The following SLC30A7 variants were observed in gnomAD, a reference collection of about 807,000 sequenced individuals.
SLC30A7 encodes zinc transporter 7.
SLC30A7 carries 35 observed loss-of-function variants against 46.0 expected under a neutral mutation model. The observed-to-expected ratio is 0.76, with a 90% CI of 0.58 to 1.01. The LOEUF (loss-of-function observed/expected upper bound fraction) is 1.01, where lower values mean the gene tolerates loss of function less well. Among genes scored for constraint, SLC30A7 ranks in the 50% least tolerant of loss-of-function variants. The probability of loss-of-function intolerance (pLI) is 0.00; values close to 1 mark genes in which losing one functional copy is unlikely to be tolerated. For missense variants in SLC30A7, 464 were observed against 451.1 expected (o/e 1.03, Z -0.26); for synonymous variants, 147 against 157.8 (o/e 0.93, Z 0.51).
chr1:100,965,919 G>A lies in SLC30A7; in HGVS notation c.1083+1G>A. 1.2e-6 allele frequency: 2 copies of A among 1,602,324 alleles called. No homozygotes were observed. The highest frequency in any genetic ancestry group is 1.7e-6 in the Non-Finnish European group (2 of 1,176,774). ...CCAAACACATAATATTTTTACTCAG[G>A]TATGTCTTTTTTACTAACTTCTTTT... On this transcript the variant is annotated splice_donor_variant, in intron 10 of 10. Coordinates refer to ENST00000357650, the MANE Select transcript of SLC30A7 (RefSeq NM_133496.5). LOFTEE classifies it high-confidence loss of function.
chr1:100,911,253 G>A (rs1652074041), intron 4 of SLC30A7, 103 bp downstream of exon 4: 2 of 769,558 alleles, frequency 2.6e-6, no homozygotes, highest in South Asian at 3.8e-5. Context: ...ATTAAATATT[G>A]TGGACAATCT....
intron 10 of SLC30A7, among the ~76,000 whole-genome samples, chr1:100,972,088 C>A (rs1055674010): frequency 2.0e-5 from 3 of 152,120 alleles, no homozygotes; most frequent in Admixed American, 6.5e-5. Context: ...TTTTAAGGAC[C>A]TGTCAGCCAG....
At chr1:100,896,797 C>T (rs1005548173) in intron 2 of SLC30A7, 126 bp downstream of exon 2, 3 of 787,122 alleles carry the variant, frequency 3.8e-6, no homozygotes, top group Non-Finnish European at 6.4e-6. Context: ...ACCTCTGCTG[C>T]TGAGTTGCTT....
At chr1:100,958,032 A>AT (rs1256709315) in intron 8 of SLC30A7, among the ~76,000 whole-genome samples, 2 of 152,230 alleles carry the variant, frequency 1.3e-5, no homozygotes, top group African/African-American at 4.8e-5. Flanking sequence ...GTTTAGATGA[A>AT]TGAATAACCA....
intron 3 of SLC30A7, 36 bp from the exon 4 acceptor site, chr1:100,911,022 AATAAC>A: frequency 3.5e-6 from 5 of 1,434,738 alleles, no homozygotes; most frequent in Non-Finnish European, 4.9e-6. Flanking sequence ...ATTTTTAAGA[AATAAC>A]ATAATAATTC....
intron 8 of SLC30A7, among the ~76,000 whole-genome samples, chr1:100,937,590 T>G (rs142522844): frequency 2.2e-4 from 34 of 152,338 alleles, no homozygotes; most frequent in African/African-American, 7.7e-4. Context: ...ACATTTTTTC[T>G]TGTACTTATT....
chr1:100,921,879 C>T, intron 8 of SLC30A7, 38 bp downstream of exon 8: 1 of 1,533,684 alleles, frequency 6.5e-7, no homozygotes, highest in South Asian at 1.2e-5. Flanking sequence ...TAAAGTGAGA[C>T]TGAGAGAGAA....
rs1363612226 is a variant in SLC30A7, at chr1:100,979,532, T to C, written c.*4675T>C. Reference sequence around the variant, plus strand: ...GTCTGACAAGGGTGTCTTTGATTTATATTTCCTAACTGCAAATTACACAGA... The same window carrying C: ...GTCTGACAAGGGTGTCTTTGATTTACATTTCCTAACTGCAAATTACACAGA... On this transcript the variant is annotated 3_prime_UTR_variant, in exon 11 of 11. Transcript: ENST00000357650. 2.0e-5 allele frequency: 3 copies of C among 151,850 alleles called. No homozygotes were observed. The highest frequency in any genetic ancestry group is 7.3e-5 in the African/African-American group (3 of 41,356). The allele number at this position is 151,850 out of a possible 1,614,324, so 9.4% of individuals were successfully genotyped here.
chr1:100,912,620 T>G (rs1191011306), intron 5 of SLC30A7, among the ~76,000 whole-genome samples: 2 of 151,896 alleles, frequency 1.3e-5, no homozygotes, highest in African/African-American at 4.8e-5. Context: ...ATCCAGGAGG[T>G]TGACACCAGC....
chr1:100,983,451 A>G (rs1437627078), downstream of SLC30A7, among the ~76,000 whole-genome samples: 1 of 152,020 alleles, frequency 6.6e-6, no homozygotes, highest in Non-Finnish European at 1.5e-5. Context: ...TGCTACCAAC[A>G]TTTAAATTCA....
intron 6 of SLC30A7, 27 bp from the exon 7 acceptor site, chr1:100,918,050 G>T: frequency 6.3e-7 from 1 of 1,591,726 alleles, no homozygotes. Context: ...TTGAAAACAT[G>T]TTTTAAAATA....
chr1:100,948,660 C>T (rs1216536172), intron 8 of SLC30A7, among the ~76,000 whole-genome samples: 1 of 152,200 alleles, frequency 6.6e-6, no homozygotes, highest in African/African-American at 2.4e-5. Context: ...TTCCATTCTT[C>T]CTGTCACTTT....
intron 9 of SLC30A7, 113 bp from the exon 10 acceptor site, chr1:100,965,655 CT>C (rs34433966): frequency 3.5e-6 from 3 of 866,032 alleles, no homozygotes; most frequent in East Asian, 2.5e-5. Context: ...TCCTCCTTTC[CT>C]TTTTTTAAAA....
chr1:100,932,978 C>CTTT (rs995801710), intron 8 of SLC30A7, among the ~76,000 whole-genome samples: 3 of 138,090 alleles, frequency 2.2e-5, no homozygotes, highest in Non-Finnish European at 3.2e-5. Context: ...TTTCTTTTTT[C>CTTT]TTTTTTTTTT....
At chr1:100,912,061 A>G in intron 4 of SLC30A7, 51 bp from the exon 5 acceptor site, 1 of 1,522,534 alleles carries the variant, frequency 6.6e-7, no homozygotes, top group Non-Finnish European at 9.0e-7. Flanking sequence ...TTGTTAGTTG[A>G]TCAATCAGAA....
chr1:100,915,249 CTTT>C (rs1557981507), intron 6 of SLC30A7, among the ~76,000 whole-genome samples: 36 of 97,918 alleles, frequency 3.7e-4, no homozygotes, highest in African/African-American at 1.2e-3. Flanking sequence ...TTCTTTCTTT[CTTT>C]CTTCCTTTCT....
At chr1:100,926,489 G>A (rs1302135152) in intron 8 of SLC30A7, among the ~76,000 whole-genome samples, 2 of 152,232 alleles carry the variant, frequency 1.3e-5, no homozygotes, top group East Asian at 1.9e-4. Context: ...TCACTATTGT[G>A]AAGACAGCAC....
At chr1:100,947,994 CTT>C (rs1363704135) in intron 8 of SLC30A7, among the ~76,000 whole-genome samples, 2 of 152,074 alleles carry the variant, frequency 1.3e-5, no homozygotes, top group Non-Finnish European at 1.5e-5. Context: ...GGTCTTGACT[CTT>C]TATCCAGTTT....
At chr1:100,989,341 A>T in the SLC30A7 span, among the ~76,000 whole-genome samples, 9 of 152,224 alleles carry the variant, frequency 5.9e-5, no homozygotes, top group Non-Finnish European at 1.2e-4. Flanking sequence ...CCAAACAGCA[A>T]CTGTACAAGG....
Sources: allele counts gnomAD v4.1 joint callset (sites outside exome capture counted in the v4.1 genomes callset), GRCh38; gene constraint gnomAD v4.1.1; transcripts MANE v1.5; gene names NCBI Gene and HGNC (gene_info 2026-07-23, HGNC 2026-07-21).